CYP4F3: variants seen among roughly 807,000 people sequenced by gnomAD.
CYP4F3 encodes cytochrome P450 4F3.
Under a neutral mutation model 54.8 loss-of-function variants are expected in CYP4F3, and 50 were observed. The observed-to-expected ratio is 0.91, with a 90% CI of 0.73 to 1.16. The LOEUF (loss-of-function observed/expected upper bound fraction) is 1.16. CYP4F3 is among the 50% of genes most tolerant of loss of function. CYP4F3 has a pLI of 0.00. For missense variants in CYP4F3, 715 were observed against 676.2 expected, an observed-to-expected ratio of 1.06 and a Z score of -0.64; for synonymous variants, 244 against 262.6, an observed-to-expected ratio of 0.93 and a Z score of 0.69.
At chr19:15,651,372 CTTTT>C (rs55874846) in intron 7 of CYP4F3, among the ~76,000 whole-genome samples, 2 of 118,526 alleles carry the variant, frequency 1.7e-5, no homozygotes. Context: ...ATATCTTTGT[CTTTT>C]TTTTTTTTTG....
Position 15,659,270 on chromosome 19 carries a change from G to C in CYP4F3, c.1448G>C (p.Gly483Ala), listed in dbSNP as rs201612796. Residue 483 changes from glycine (G) to alanine (A), a missense_variant, in exon 13 of 13, where the codon GGG becomes GCG. Transcript: ENST00000221307. ...ATGGCGGAGATGAAGGTGGTCCTGG[G>C]GCTCACGCTGCTGCGCTTCCGCGTC... ...FAMAEMKVVL[G>A]LTLLRFRVLP... 1,752 of 1,610,662 alleles carry C rather than the reference G, an allele frequency of 1.1e-3. 21 individuals are homozygous for C. The highest frequency in any genetic ancestry group is 3.5e-3 in the African/African-American group (259 of 74,564).
At chr19:15,641,684 C>T in intron 2 of CYP4F3, 71 bp downstream of exon 2, 2 of 1,409,064 alleles carry the variant, frequency 1.4e-6, no homozygotes, top group Non-Finnish European at 2.0e-6. Context: ...GAATGAGGCT[C>T]AGGTGAGAGG....
rs1230234590 is a variant in CYP4F3, at chr19:15,650,866, C to CTTTCTTTCTTTCTTTCTTTG, written c.918+686_918+687insCTTTCTTTCTTTCTTTGTTT. Among the ~76,000 whole-genome samples the CTTTCTTTCTTTCTTTCTTTG allele has an allele frequency of 8.5e-5, 4 of 47,070 alleles. 2 individuals carry two copies. Among genetic ancestry groups the CTTTCTTTCTTTCTTTCTTTG allele is most frequent in the African/African-American group, 3.3e-4 (4 of 12,058 alleles). The allele number at this position is 47,070 out of a possible 152,430, so 30.9% of individuals were successfully genotyped here. A position where few individuals can be genotyped will look rare whatever the true frequency, so the allele number is the denominator to read the frequency against. ...TCTTTCTTTCTTTCTTTCTTTCTTTCTTTTTCTCTCTCTCTCTTTCCTTTT... is the reference window on the plus strand; with the variant it reads ...TCTTTCTTTCTTTCTTTCTTTCTTTCTTTCTTTCTTTCTTTCTTTGTTTTTCTCTCTCTCTCTTTCCTTTT... On this transcript the variant is annotated intron_variant, in intron 7 of 12. Transcript: ENST00000221307.
chr19:15,655,800 C>T (rs12977909), intron 9 of CYP4F3, among the ~76,000 whole-genome samples: 1 of 152,072 alleles, frequency 6.6e-6, no homozygotes, highest in African/African-American at 2.4e-5. Flanking sequence ...CTTTAATTGA[C>T]AAGTTTTAAT....
At chr19:15,643,369 CATAG>C (rs903899452) in intron 2 of CYP4F3, among the ~76,000 whole-genome samples, 24 of 148,074 alleles carry the variant, frequency 1.6e-4, no homozygotes, top group East Asian at 6.0e-4. Flanking sequence ...TATATAGATA[CATAG>C]ATAGGTAGAT....
intron 9 of CYP4F3, among the ~76,000 whole-genome samples, chr19:15,653,319 C>G (rs1972915564): frequency 6.6e-6 from 1 of 152,222 alleles, no homozygotes. Context: ...TCCTACCCTT[C>G]CATCCAGTCC....
At chr19:15,655,499 A>C (rs913966729) in intron 9 of CYP4F3, among the ~76,000 whole-genome samples, 2 of 152,220 alleles carry the variant, frequency 1.3e-5, no homozygotes, top group Admixed American at 6.5e-5. Context: ...TAGTTTAAAA[A>C]AAATGGTCGA....
chr19:15,655,025 C>T (rs1169239214), intron 9 of CYP4F3, among the ~76,000 whole-genome samples: 1 of 152,166 alleles, frequency 6.6e-6, no homozygotes, highest in African/African-American at 2.4e-5. Flanking sequence ...CATATCCTCA[C>T]CAGCATCTAT....
In CYP4F3 at chr19:15,659,269, G is replaced by C. The variant is rs1335830503; in HGVS notation, c.1447G>C (p.Gly483Arg). The change falls in exon 13 of 13, where the codon GGG becomes CGG. Residue 483 changes from glycine to arginine, a missense_variant. Physicochemically the swap from Gly to Arg is moderately radical, Grantham distance 125 (BLOSUM62 -2). Coordinates refer to ENST00000221307, the MANE Select transcript of CYP4F3 (RefSeq NM_000896.3). ...GATGGCGGAGATGAAGGTGGTCCTGGGGCTCACGCTGCTGCGCTTCCGCGT... is the reference window on the plus strand; with the variant it reads ...GATGGCGGAGATGAAGGTGGTCCTGCGGCTCACGCTGCTGCGCTTCCGCGT... ...FAMAEMKVVL[G>R]LTLLRFRVLP... 6.2e-7 allele frequency: 1 copy of C among 1,613,012 alleles called. No homozygotes were observed. The highest frequency in any genetic ancestry group is 8.5e-7 in the Non-Finnish European group (1 of 1,179,890).
chr19:15,662,744 C>G lies in CYP4F3; in HGVS notation c.*3359C>G, dbSNP rs1973208445. On this transcript the variant is annotated 3_prime_UTR_variant, in exon 13 of 13. Coordinates refer to ENST00000221307, the MANE Select transcript of CYP4F3 (RefSeq NM_000896.3). ...GTTTTGTAGTTTTCACCATGACAGT[C>G]TTGCACATATTTTGTTAAATGTACA... The G allele has an allele frequency of 6.6e-6, 1 of 152,166 alleles. No homozygotes were observed. Among genetic ancestry groups the G allele is most frequent in the South Asian group, 2.1e-4 (1 of 4,832 alleles). 9.4% of individuals were successfully genotyped at this position (152,166 alleles called of 1,614,324 possible).
rs768946689 is a variant in CYP4F3, at chr19:15,645,792, G to T, written c.272G>T (p.Trp91Leu). The T allele has an allele frequency of 6.2e-7, 1 of 1,614,186 alleles. No individual in the cohort carries two copies. The highest frequency in any genetic ancestry group is 2.2e-5 in the East Asian group (1 of 44,888). The change falls in exon 3 of 13, where the codon TGG (tryptophan) becomes TTG (leucine). Residue 91 changes from tryptophan (W) to leucine (L), a missense_variant. Transcript: ENST00000221307. ...ACCTTCGGTGATATGTGCTGCTGGT[G>T]GGTGGGGCCCTGGCACGCAATCGTC... ...ACTFGDMCCW[W>L]VGPWHAIVRI...
At chr19:15,650,612 CTTTG>C (rs954189601) in intron 7 of CYP4F3, among the ~76,000 whole-genome samples, 3 of 151,986 alleles carry the variant, frequency 2.0e-5, no homozygotes, top group African/African-American at 7.3e-5. Flanking sequence ...GTGTCTTCAT[CTTTG>C]TTTATGTTTA....
At chr19:15,658,463 G>T (rs755600121) in intron 10 of CYP4F3, 28 bp from the exon 11 acceptor site, 2 of 1,614,096 alleles carry the variant, frequency 1.2e-6, no homozygotes. Flanking sequence ...AGGGAGCATT[G>T]TCCTGACTGC....
intron 7 of CYP4F3, chr19:15,650,427 G>A (rs1158924433): frequency 2.8e-6 from 2 of 715,402 alleles, no homozygotes; most frequent in Non-Finnish European, 4.5e-6. Context: ...AAGCTAATTG[G>A]CCACCTTTTA....
chr19:15,650,502 G>T (rs888458747), intron 7 of CYP4F3, among the ~76,000 whole-genome samples: 9 of 152,070 alleles, frequency 5.9e-5, no homozygotes, highest in Admixed American at 2.0e-4. Flanking sequence ...ATGTCTTTCT[G>T]TATCTTTGTC....
intron 3 of CYP4F3, 80 bp downstream of exon 3, chr19:15,645,943 C>T (rs1034353755): frequency 3.9e-5 from 57 of 1,466,950 alleles, no homozygotes; most frequent in Non-Finnish European, 4.8e-5. Context: ...GTGCTGCCTC[C>T]AGCGGGTCGC....
intron 7 of CYP4F3, among the ~76,000 whole-genome samples, chr19:15,650,722 T>TTCTTTCTC (rs1568397952): frequency 2.1e-5 from 1 of 46,730 alleles, no homozygotes; most frequent in African/African-American, 1.6e-4. Flanking sequence ...CTTTCTTTCT[T>TTCTTTCTC]TCTTTCTTTC....
chr19:15,657,189 C>G (rs28371492), intron 9 of CYP4F3, among the ~76,000 whole-genome samples: 31,290 of 152,132 alleles, frequency 0.21, 3,533 homozygotes, highest in Middle Eastern at 0.27. Context: ...CTAAACTGGA[C>G]ATGAAGCTGT....
chr19:15,641,632 CG>C lies in CYP4F3; in HGVS notation c.198+22del, dbSNP rs760896171. On this transcript the variant is annotated intron_variant, in intron 2 of 12. Transcript: ENST00000221307. ...GGGCCTGGTGAGTGTGGCAGCAGGA[CG>C]GGTCTGGGGTCTCAGGGTGGATGGA... The C allele has an allele frequency of 1.5e-4, 198 of 1,360,116 alleles. No homozygotes were observed. The highest frequency in any genetic ancestry group is 1.8e-4 in the Non-Finnish European group (188 of 1,021,576). The allele number at this position is 1,360,116 out of a possible 1,614,324, so 84.3% of individuals were successfully genotyped here. A position where few individuals can be genotyped will look rare whatever the true frequency, so the allele number is the denominator to read the frequency against.
Sources: gnomAD v4.1 joint callset for allele counts (sites outside exome capture counted in the v4.1 genomes callset) on GRCh38, gnomAD v4.1.1 for gene constraint, MANE v1.5 for transcripts, NCBI Gene and HGNC (gene_info 2026-07-23, HGNC 2026-07-21) for gene names.